SLC25A33: variants seen among roughly 807,000 people sequenced by gnomAD.
SLC25A33 encodes solute carrier family 25 member 33.
In SLC25A33, 15 loss-of-function variants were observed where a neutral mutation model predicts 35.5. The ratio of observed to expected loss-of-function variants is 0.42; its 90% CI spans 0.28 to 0.65. The LOEUF (loss-of-function observed/expected upper bound fraction) is 0.65. Among genes scored for constraint, SLC25A33 ranks in the 30% least tolerant of loss-of-function variants. SLC25A33 has a pLI of 0.20. For missense variants in SLC25A33, 257 were observed against 398.5 expected, an observed-to-expected ratio of 0.64 and a Z score of 3.02; for synonymous variants, 136 against 148.7, an observed-to-expected ratio of 0.91 and a Z score of 0.62.
chr1:9,543,112 G>T (rs1008305001), intron 1 of SLC25A33, among the ~76,000 whole-genome samples: 2 of 151,646 alleles, frequency 1.3e-5, no homozygotes, highest in Non-Finnish European at 2.9e-5. Context: ...GAGCCACCAC[G>T]CCCTGCGTGA....
chr1:9,559,599 C>G (rs1643392030), intron 2 of SLC25A33, among the ~76,000 whole-genome samples: 1 of 151,568 alleles, frequency 6.6e-6, no homozygotes, highest in African/African-American at 2.4e-5. Flanking sequence ...AAAGCATACT[C>G]TTCGGGGGAA....
chr1:9,572,366 C>G (rs1412801170), intron 4 of SLC25A33, among the ~76,000 whole-genome samples: 1 of 152,096 alleles, frequency 6.6e-6, no homozygotes, highest in African/African-American at 2.4e-5. Context: ...AATCCCAGCA[C>G]TTTGGGAGGC....
chr1:9,564,739 A>AAAAATATATAT (rs60174872), intron 2 of SLC25A33, among the ~76,000 whole-genome samples: 4 of 96,584 alleles, frequency 4.1e-5, no homozygotes, highest in African/African-American at 1.8e-4. Context: ...AAAAAAAAAA[A>AAAAATATATAT]ATATATATAT....
At position 9,539,813 on chromosome 1, in the gene SLC25A33, G is replaced by A. The variant is rs951346872; in HGVS notation, c.56+66G>A. 2.6e-5 allele frequency: 33 copies of A among 1,253,420 alleles called. 1 individual carries two copies. The South Asian group carries it at 6.6e-4, about 25-fold the overall frequency. The allele number at this position is 1,253,420 out of a possible 1,614,324, so 77.6% of individuals were successfully genotyped here. A position where few individuals can be genotyped will look rare whatever the true frequency, so the allele number is the denominator to read the frequency against. ...GGTCCCCTCGGCCTTCGCCCCGGGC[G>A]CGGCCCCAGCCTCCCGCGGCGGTTA... On this transcript the variant is annotated intron_variant, in intron 1 of 6. Transcript: ENST00000302692.
At chr1:9,568,899 T>C (rs183592306) in intron 3 of SLC25A33, among the ~76,000 whole-genome samples, 3 of 151,644 alleles carry the variant, frequency 2.0e-5, no homozygotes, top group East Asian at 2.0e-4. Flanking sequence ...TGTTGTCTTA[T>C]ATAGGGTGAA....
At chr1:9,551,869 C>T (rs562064552) in intron 1 of SLC25A33, among the ~76,000 whole-genome samples, 6 of 152,050 alleles carry the variant, frequency 3.9e-5, no homozygotes, top group African/African-American at 1.2e-4. Context: ...GATTATAGAG[C>T]GATGTTTTCC....
At chr1:9,569,344 G>A (rs1643556043) in intron 3 of SLC25A33, among the ~76,000 whole-genome samples, 1 of 152,096 alleles carries the variant, frequency 6.6e-6, no homozygotes, top group Non-Finnish European at 1.5e-5. Context: ...TATGTGTGAT[G>A]TATTTAAAGA....
rs869243000 is a variant in SLC25A33, at chr1:9,544,264, GT to G, written c.56+4531del. ...TTAAATCTTTATCAGCTAATGGTTA[GT>G]TTTTTTTTTTTTTCTTTTTTTGAAG... On this transcript the variant is annotated intron_variant, in intron 1 of 6. Coordinates refer to ENST00000302692, the MANE Select transcript of SLC25A33 (RefSeq NM_032315.3). Among the ~76,000 whole-genome samples, 414 of 143,608 alleles carry G rather than the reference GT, an allele frequency of 2.9e-3. 1 individual carries two copies. Among genetic ancestry groups the G allele is most frequent in the African/African-American group, 8.3e-3 (325 of 39,346 alleles). The allele number at this position is 143,608 out of a possible 152,430, so 94.2% of individuals were successfully genotyped here.
rs753204032 is a variant in SLC25A33, at chr1:9,582,552, AT to A, written c.*59del. The A allele has an allele frequency of 1.6e-4, 249 of 1,527,052 alleles. 1 individual carries two copies. Among genetic ancestry groups the A allele is most frequent in the Non-Finnish European group, 2.0e-4 (223 of 1,129,836 alleles). 94.6% of individuals were successfully genotyped at this position (1,527,052 alleles called of 1,614,324 possible). On this transcript the variant is annotated 3_prime_UTR_variant, in exon 7 of 7. Coordinates refer to ENST00000302692, the MANE Select transcript of SLC25A33 (RefSeq NM_032315.3). This position sits in a 1 kb window ranked among gnomAD's most constrained non-coding sequence, Gnocchi z 4.0. ...GAATAAAACTGAAAAACTCTAGAGA[AT>A]TTTTTTTCCCCATTGATGTTTAGAA... is the stretch of plus-strand genomic sequence containing the variant.
chr1:9,551,943 A>G (rs930135169), intron 1 of SLC25A33, among the ~76,000 whole-genome samples: 1 of 152,156 alleles, frequency 6.6e-6, no homozygotes, highest in Non-Finnish European at 1.5e-5. Flanking sequence ...TGACATTGTT[A>G]ATTATAACTA....
At chr1:9,573,471 C>A in intron 5 of SLC25A33, 59 bp downstream of exon 5, 1 of 1,354,490 alleles carries the variant, frequency 7.4e-7, no homozygotes, top group Non-Finnish European at 1.0e-6. Context: ...TTTTTCTTGC[C>A]CCAATTCCTC....
In SLC25A33 at chr1:9,544,865, A is replaced by G. The variant is rs76689975; in HGVS notation, c.56+5118A>G. On this transcript the variant is annotated intron_variant, in intron 1 of 6. Coordinates refer to ENST00000302692, the MANE Select transcript of SLC25A33 (RefSeq NM_032315.3). ...TAGGGAGCAGAGGCTGTTGTTGAAG[A>G]CAGTTGGTTTTTACAAATTTTCCTT... Among the ~76,000 whole-genome samples, 701 of 152,346 alleles carry G rather than the reference A, an allele frequency of 4.6e-3. 3 individuals carry two copies. The highest frequency in any genetic ancestry group is 6.8e-3 in the Non-Finnish European group (466 of 68,036).
At chr1:9,573,040 A>G (rs1643612493) in intron 4 of SLC25A33, among the ~76,000 whole-genome samples, 1 of 152,202 alleles carries the variant, frequency 6.6e-6, no homozygotes. Flanking sequence ...GGTTTAGGAC[A>G]GTTACAATTT....
intron 1 of SLC25A33, among the ~76,000 whole-genome samples, chr1:9,540,497 G>C (rs1335848204): frequency 1.3e-5 from 2 of 152,144 alleles, no homozygotes. Flanking sequence ...CGGTTAGGAA[G>C]GGAGATGGTA....
In SLC25A33 at chr1:9,576,777, C is replaced by T. The variant is rs535274381; in HGVS notation, c.483-3177C>T. On this transcript the variant is annotated intron_variant, in intron 5 of 6. Transcript: ENST00000302692. Reference sequence around the variant, plus strand: ...TCCGAAATTTCTTGGATGAAAAATACACCCGCAGGGTTCAGATGAGACCAG... The same window carrying T: ...TCCGAAATTTCTTGGATGAAAAATATACCCGCAGGGTTCAGATGAGACCAG... 4 of 1,138,544 alleles carry T rather than the reference C, an allele frequency of 3.5e-6. No individual in the cohort carries two copies. The African/African-American group carries it at 6.7e-5, about 19-fold the overall frequency. 70.5% of individuals were successfully genotyped at this position (1,138,544 alleles called of 1,614,324 possible).
In SLC25A33 at chr1:9,582,060, G is replaced by A. The variant is rs1469618440; in HGVS notation, c.764-239G>A. Among the ~76,000 whole-genome samples, 4 of 152,004 alleles carry A rather than the reference G, an allele frequency of 2.6e-5. No individual in the cohort carries two copies. On this transcript the variant is annotated intron_variant, in intron 6 of 6. Transcript: ENST00000302692. This position sits in a 1 kb window ranked among gnomAD's most constrained non-coding sequence, Gnocchi z 4.0. Reference sequence around the variant, plus strand: ...TTCCTCAGCCACTCTAGTAGTAGGCGTGCACCACCTTGCCTGGCTAATTTT... The same window carrying A: ...TTCCTCAGCCACTCTAGTAGTAGGCATGCACCACCTTGCCTGGCTAATTTT...
chr1:9,570,751 A>C (rs918369115), intron 4 of SLC25A33, among the ~76,000 whole-genome samples: 4 of 127,148 alleles, frequency 3.1e-5, no homozygotes, highest in Non-Finnish European at 6.2e-5. Context: ...TCTGTCACCC[A>C]GGCTGGACTG....
chr1:9,570,182 T>C (rs1180751690), intron 3 of SLC25A33, 76 bp from the exon 4 acceptor site: 1 of 1,348,354 alleles, frequency 7.4e-7, no homozygotes, highest in Non-Finnish European at 1.0e-6. Flanking sequence ...TTTCCGAAAA[T>C]TTTTCAGGTG....
chr1:9,564,739 A>AAAT (rs60174872), intron 2 of SLC25A33, among the ~76,000 whole-genome samples: 12 of 96,578 alleles, frequency 1.2e-4, no homozygotes, highest in Middle Eastern at 5.0e-3. Context: ...AAAAAAAAAA[A>AAAT]ATATATATAT....
Sources: gnomAD v4.1 joint callset for allele counts (sites outside exome capture counted in the v4.1 genomes callset) on GRCh38, gnomAD v4.1.1 for gene constraint, Gnocchi (gnomAD v3.1) non-coding constraint, MANE v1.5 for transcripts, NCBI Gene and HGNC (gene_info 2026-07-23, HGNC 2026-07-21) for gene names.